TENM3: variants seen among roughly 807,000 people sequenced by gnomAD.
TENM3 encodes teneurin transmembrane protein 3.
TENM3 carries 63 observed loss-of-function variants against 255.1 expected under a neutral mutation model. The ratio of observed to expected loss-of-function variants is 0.25; its 90% CI spans 0.20 to 0.30. The LOEUF (loss-of-function observed/expected upper bound fraction) is 0.30. Among genes scored for constraint, TENM3 ranks in the 10% least tolerant of loss-of-function variants. TENM3 has a pLI of 1.00. For synonymous variants in TENM3, 1,306 were observed against 1,322.3 expected, an observed-to-expected ratio of 0.99 and a Z score of 0.27; for missense variants, 2,929 against 3,461.1, an observed-to-expected ratio of 0.85 and a Z score of 3.86.
chr4:181,996,502 T>C, the TENM3 span, among the ~76,000 whole-genome samples: 1 of 151,166 alleles, frequency 6.6e-6, no homozygotes. Context: ...AAGCAGAGAG[T>C]GAAAGGGGGA....
chr4:182,214,932 T>A (rs2149917394), intron 1 of TENM3, among the ~76,000 whole-genome samples: 1 of 152,346 alleles, frequency 6.6e-6, no homozygotes, highest in East Asian at 1.9e-4. Context: ...TTTCCTAATT[T>A]ATCACCTACA....
chr4:182,478,493 A>G (rs1424338967), intron 3 of TENM3, among the ~76,000 whole-genome samples: 1 of 151,802 alleles, frequency 6.6e-6, no homozygotes, highest in African/African-American at 2.4e-5. Flanking sequence ...AGTGTGCCAT[A>G]TGGTGTAAAA....
intron 6 of TENM3, among the ~76,000 whole-genome samples, chr4:182,669,008 G>T (rs530415401): frequency 6.6e-6 from 1 of 152,240 alleles, no homozygotes; most frequent in African/African-American, 2.4e-5. Flanking sequence ...ATATGCTTCG[G>T]ATAGTAGATG....
intron 4 of TENM3, among the ~76,000 whole-genome samples, chr4:182,606,369 CAAAA>C (rs1748424881): frequency 6.6e-6 from 1 of 151,684 alleles, no homozygotes; most frequent in African/African-American, 2.4e-5. Flanking sequence ...ACGAAAAATA[CAAAA>C]ATTAGCCAGG....
chr4:182,627,171 G>A (rs1042146576), intron 4 of TENM3, among the ~76,000 whole-genome samples: 2 of 152,142 alleles, frequency 1.3e-5, no homozygotes, highest in Non-Finnish European at 2.9e-5. Flanking sequence ...AAATAAATGA[G>A]TGTGATCCTT....
At chr4:182,134,454 A>G in the TENM3 span, among the ~76,000 whole-genome samples, 1 of 152,010 alleles carries the variant, frequency 6.6e-6, no homozygotes, top group South Asian at 2.1e-4. Context: ...CTCACTGCCA[A>G]TTTCCTCCCT....
intron 22 of TENM3, among the ~76,000 whole-genome samples, chr4:182,758,519 C>T (rs1214007567): frequency 1.3e-5 from 2 of 152,080 alleles, no homozygotes; most frequent in Non-Finnish European, 1.5e-5. Context: ...CCTGGGTGTG[C>T]GGCGGGATGT....
the TENM3 span, among the ~76,000 whole-genome samples, chr4:181,589,540 A>C: frequency 6.6e-6 from 1 of 152,142 alleles, no homozygotes; most frequent in South Asian, 2.1e-4. Context: ...GGAAGGAAAG[A>C]CTATAATGTT....
chr4:182,482,408 A>C (rs1178685029), intron 3 of TENM3, among the ~76,000 whole-genome samples: 1 of 152,172 alleles, frequency 6.6e-6, no homozygotes, highest in Non-Finnish European at 1.5e-5. Flanking sequence ...TTTTAATAAC[A>C]TGGGCAGAAT....
chr4:182,174,502 T>TCACACATACA (rs1752324788), intron 1 of TENM3, among the ~76,000 whole-genome samples: 1 of 137,630 alleles, frequency 7.3e-6, no homozygotes, highest in Non-Finnish European at 1.6e-5. Flanking sequence ...AGCTACTAAT[T>TCACACATACA]CACACACACA....
At chr4:182,488,982 C>T (rs781560830) in intron 3 of TENM3, among the ~76,000 whole-genome samples, 3 of 152,078 alleles carry the variant, frequency 2.0e-5, no homozygotes, top group African/African-American at 7.2e-5. Context: ...TGAGTAATTA[C>T]ATAATGTTAT....
the TENM3 span, among the ~76,000 whole-genome samples, chr4:181,805,194 A>G: frequency 6.6e-6 from 1 of 151,888 alleles, no homozygotes. Flanking sequence ...ACCTTCATTG[A>G]CTCAACGACT....
At chr4:182,463,784 C>T (rs1295387272) in intron 3 of TENM3, among the ~76,000 whole-genome samples, 2 of 151,884 alleles carry the variant, frequency 1.3e-5, no homozygotes, top group African/African-American at 4.8e-5. Context: ...CCACCATGCC[C>T]AGCTAATTTT....
At chr4:181,707,189 A>G in the TENM3 span, among the ~76,000 whole-genome samples, 2 of 152,340 alleles carry the variant, frequency 1.3e-5, no homozygotes, top group Middle Eastern at 3.4e-3. Flanking sequence ...AAATCAGGTT[A>G]CCTGGAAAGT....
intron 3 of TENM3, among the ~76,000 whole-genome samples, chr4:182,429,244 G>A (rs1445550600): frequency 1.3e-5 from 2 of 152,168 alleles, no homozygotes; most frequent in African/African-American, 2.4e-5. Flanking sequence ...AGGAACCCCA[G>A]AGGTAATATC....
At chr4:181,471,128 C>G in the TENM3 span, among the ~76,000 whole-genome samples, 155 of 152,234 alleles carry the variant, frequency 1.0e-3, no homozygotes, top group African/African-American at 3.7e-3. Flanking sequence ...TTATCTTCCA[C>G]ATTGTTAATT....
the TENM3 span, among the ~76,000 whole-genome samples, chr4:181,761,347 G>C: frequency 6.6e-6 from 1 of 152,000 alleles, no homozygotes; most frequent in Non-Finnish European, 1.5e-5. Flanking sequence ...ATTTAGGAAC[G>C]AGGCCCAACA....
rs565332608 is a variant in TENM3 at position 182,288,284 on chromosome 4, G to A, written c.-75-35662G>A. ...CAGGGTCTCTCTATGTTGTCACATT[G>A]GTCTCCAACTCCTGGATTCAAGCAG... On this transcript the variant is annotated intron_variant, in intron 1 of 27. Transcript: ENST00000511685. Among the ~76,000 whole-genome samples, 63 of 151,726 alleles carry A rather than the reference G, an allele frequency of 4.2e-4. 1 individual carries two copies. The South Asian group carries it at 0.013, about 30-fold the overall frequency.
intron 5 of TENM3, among the ~76,000 whole-genome samples, chr4:182,635,015 A>G (rs1290818416): frequency 1.3e-5 from 2 of 152,236 alleles, no homozygotes; most frequent in African/African-American, 2.4e-5. Context: ...AAGCCCTCAA[A>G]TCAGACTTCA....
Sources: gnomAD v4.1 joint callset for allele counts (sites outside exome capture counted in the v4.1 genomes callset) on GRCh38, gnomAD v4.1.1 for gene constraint, MANE v1.5 for transcripts, NCBI Gene and HGNC (gene_info 2026-07-23, HGNC 2026-07-21) for gene names.